Variants in ATAD2B observed in about 807,000 individuals in gnomAD.
ATAD2B encodes ATPase family AAA domain containing 2B.
In ATAD2B, 40 loss-of-function variants were observed where a neutral mutation model predicts 167.6. That is an observed-to-expected ratio of 0.24 (90% CI 0.19 to 0.31). The LOEUF (loss-of-function observed/expected upper bound fraction) is 0.31, where lower values mean the gene tolerates loss of function less well. ATAD2B is among the 10% of genes least tolerant of loss of function. The probability of loss-of-function intolerance (pLI) is 1.00; values close to 1 mark genes in which losing one functional copy is unlikely to be tolerated. For missense variants in ATAD2B, 1,242 were observed against 1,757.2 expected (o/e 0.71, Z 5.24); for synonymous variants, 579 against 596.5 (o/e 0.97, Z 0.43).
At chr2:23,728,476 C>G in the ATAD2B span, among the ~76,000 whole-genome samples, 2 of 151,680 alleles carry the variant, frequency 1.3e-5, no homozygotes, top group African/African-American at 4.9e-5. Flanking sequence ...ATTTTACATA[C>G]TACGAAAAAA....
At position 23,867,427 on chromosome 2, in the gene ATAD2B, C is replaced by T. The variant is rs906492703; in HGVS notation, c.1188+408G>A. On this transcript the variant is annotated intron_variant, in intron 10 of 27. Transcript: ENST00000238789. ...AAGTTATCCTAGTTTCTACCATGAC[C>T]ACTACTCCAGATTACTAGACTACAG... 3.9e-5 allele frequency among the ~76,000 whole-genome samples: 6 copies of T among 152,266 alleles called. No individual in the cohort carries two copies. In the East Asian group the frequency reaches 9.6e-4, roughly 24 times the overall value.
rs759864585 is a variant in ATAD2B at position 23,926,738 on chromosome 2, A to C, written c.33T>G (p.Leu11=). Residue 11 remains leucine, a synonymous_variant, in exon 1 of 28, where the codon CTT becomes CTG. Coordinates refer to ENST00000238789, the MANE Select transcript of ATAD2B (RefSeq NM_017552.4). ...CGGGACCAGGAGACTTGGACCCGAGAAGGCGGAGAGAGCTCTTCCGGGTGT... is the reference window on the plus strand; with the variant it reads ...CGGGACCAGGAGACTTGGACCCGAGCAGGCGGAGAGAGCTCTTCCGGGTGT... MVNTRKSSLR[L]LGSKSPGPGP... 1 of 1,547,964 alleles carries C rather than the reference A, an allele frequency of 6.5e-7. No individual in the cohort carries two copies. Among genetic ancestry groups the C allele is most frequent in the South Asian group, 1.2e-5 (1 of 83,928 alleles).
At chr2:23,776,263 CA>C (rs1321450917) in intron 22 of ATAD2B, among the ~76,000 whole-genome samples, 5 of 152,154 alleles carry the variant, frequency 3.3e-5, no homozygotes, top group African/African-American at 1.2e-4. Context: ...CTAACCAGAC[CA>C]AAACCTCAGG....
chr2:23,873,158 C>A, intron 8 of ATAD2B: 1 of 349,962 alleles, frequency 2.9e-6, no homozygotes. Context: ...GGAAAGTTCC[C>A]AAGTTTATGT....
chr2:23,781,344 A>G (rs1680020028), intron 22 of ATAD2B, among the ~76,000 whole-genome samples: 1 of 125,970 alleles, frequency 7.9e-6, no homozygotes, highest in Non-Finnish European at 1.5e-5. Context: ...AAATAAATAA[A>G]TAAATAAATA....
chr2:23,847,843 A>G (rs1164754332), intron 13 of ATAD2B, among the ~76,000 whole-genome samples: 1 of 150,854 alleles, frequency 6.6e-6, no homozygotes, highest in South Asian at 2.1e-4. Flanking sequence ...AAATACAAAA[A>G]TTAGCCAGGC....
the ATAD2B span, among the ~76,000 whole-genome samples, chr2:23,705,899 G>A: frequency 6.6e-6 from 1 of 152,154 alleles, no homozygotes; most frequent in Non-Finnish European, 1.5e-5. Context: ...GAGACAACAG[G>A]AGCAAGCCAG....
At chr2:23,891,356 G>A (rs1378650786) in intron 2 of ATAD2B, among the ~76,000 whole-genome samples, 3 of 152,048 alleles carry the variant, frequency 2.0e-5, no homozygotes, top group Non-Finnish European at 2.9e-5. Flanking sequence ...CTGCTTAAAC[G>A]TATATGCCTA....
chr2:23,719,930 T>C, the ATAD2B span, among the ~76,000 whole-genome samples: 1 of 152,180 alleles, frequency 6.6e-6, no homozygotes, highest in Non-Finnish European at 1.5e-5. Context: ...CTGTAGGAGG[T>C]TCATCCCACA....
At chr2:23,864,991 A>G in intron 10 of ATAD2B, 67 bp from the exon 11 acceptor site, 1 of 915,530 alleles carries the variant, frequency 1.1e-6, no homozygotes, top group Non-Finnish European at 1.6e-6. Flanking sequence ...TTTAAAATTT[A>G]TAAAAGAGTC....
At chr2:23,818,295 GGA>G (rs10559796) in intron 17 of ATAD2B, among the ~76,000 whole-genome samples, 9,524 of 121,446 alleles carry the variant, frequency 0.078, 650 homozygotes, top group Non-Finnish European at 0.11. Flanking sequence ...GAGGGAGGGG[GGA>G]GAGAGAGAGA....
At position 23,884,865 on chromosome 2, in the gene ATAD2B, C is replaced by G; in HGVS notation, c.684G>C (p.Met228Ile). 6.5e-7 allele frequency: 1 copy of G among 1,546,758 alleles called. No homozygotes were observed. Among genetic ancestry groups the G allele is most frequent in the South Asian group, 1.2e-5 (1 of 80,976 alleles). The change falls in exon 6 of 28, where the codon ATG becomes ATC. Residue 228 changes from methionine to isoleucine, a missense_variant. Physicochemically the swap from Met to Ile is conservative, Grantham distance 10 (BLOSUM62 1). Transcript: ENST00000238789. ...GCCTTTTCACTCTTGAATACATATCCATGTTTTCCTTTTAAAGAAAGAAAT... is the reference window on the plus strand; with the variant it reads ...GCCTTTTCACTCTTGAATACATATCGATGTTTTCCTTTTAAAGAAAGAAAT... ...RMWTDTEFEN[M>I]DMYSRVKRRR...
chr2:23,910,486 CT>C (rs1702130887), intron 1 of ATAD2B, among the ~76,000 whole-genome samples: 1 of 151,352 alleles, frequency 6.6e-6, no homozygotes, highest in South Asian at 2.3e-4. Context: ...CCTGCATACT[CT>C]TTTATCTTCA....
chr2:23,772,289 C>T (rs1003114243), intron 22 of ATAD2B, among the ~76,000 whole-genome samples: 22 of 152,020 alleles, frequency 1.4e-4, no homozygotes, highest in Admixed American at 7.2e-4. Flanking sequence ...GTAGGATGTG[C>T]CTTAATTTTT....
intron 2 of ATAD2B, among the ~76,000 whole-genome samples, chr2:23,891,377 T>C (rs1699461693): frequency 6.6e-6 from 1 of 152,176 alleles, no homozygotes; most frequent in Admixed American, 6.6e-5. Flanking sequence ...AAAGTTTCTG[T>C]ATTATATGAA....
At chr2:23,772,979 C>T (rs999081358) in intron 22 of ATAD2B, among the ~76,000 whole-genome samples, 1 of 152,132 alleles carries the variant, frequency 6.6e-6, no homozygotes. Flanking sequence ...TGGGCTCAAG[C>T]GATCTGCCTA....
At chr2:23,914,108 A>G (rs889830886) in intron 1 of ATAD2B, among the ~76,000 whole-genome samples, 3 of 152,184 alleles carry the variant, frequency 2.0e-5, no homozygotes, top group Non-Finnish European at 2.9e-5. Flanking sequence ...AAAAACAAAA[A>G]AAAAGTATAG....
chr2:23,838,114 T>G (rs1690301036), intron 13 of ATAD2B, among the ~76,000 whole-genome samples: 1 of 152,186 alleles, frequency 6.6e-6, no homozygotes, highest in South Asian at 2.1e-4. Context: ...TTCCAAAATC[T>G]ATAAGCGGAA....
chr2:23,691,797 G>A, the ATAD2B span: 86 of 1,551,688 alleles, frequency 5.5e-5, no homozygotes, highest in Middle Eastern at 1.2e-3. Flanking sequence ...TCATCGACTC[G>A]GCCAACGCCA....
Sources: gnomAD v4.1 joint callset for allele counts (sites outside exome capture counted in the v4.1 genomes callset) on GRCh38, gnomAD v4.1.1 for gene constraint, MANE v1.5 for transcripts, NCBI Gene and HGNC (gene_info 2026-07-23, HGNC 2026-07-21) for gene names.